The following DAB1 variants were observed in gnomAD, a reference collection of about 807,000 sequenced individuals.
The protein encoded by DAB1 is DAB adaptor protein 1.
DAB1 carries 15 observed loss-of-function variants against 64.6 expected under a neutral mutation model. That is an observed-to-expected ratio of 0.23 (90% CI 0.16 to 0.36). The LOEUF (loss-of-function observed/expected upper bound fraction) is 0.36, where lower values mean the gene tolerates loss of function less well. Ranked by LOEUF, DAB1 falls within the 10% of genes least tolerant of loss-of-function variation. The pLI is 1.00. For synonymous variants in DAB1, 235 were observed against 251.9 expected (o/e 0.93, Z 0.64); for missense variants, 596 against 706.7 (o/e 0.84, Z 1.78).
downstream of DAB1, among the ~76,000 whole-genome samples, chr1:57,822,227 C>T (rs1652153225): frequency 6.6e-6 from 1 of 152,180 alleles, no homozygotes. Context: ...CAGGAAGTAT[C>T]ATGCTGTCCA....
chr1:57,019,144 C>T (rs1344733835), intron 11 of DAB1, among the ~76,000 whole-genome samples: 3 of 152,210 alleles, frequency 2.0e-5, no homozygotes, highest in Non-Finnish European at 1.5e-5. Flanking sequence ...GACTAGAAAC[C>T]ACCTGCTGGC....
chr1:57,731,649 A>G (rs2101774541), intron 6 of DAB1, among the ~76,000 whole-genome samples: 1 of 152,186 alleles, frequency 6.6e-6, no homozygotes. Context: ...TACTAAATAT[A>G]CAAAAATTAG....
At chr1:57,371,009 A>G (rs1680448934) in intron 1 of DAB1, among the ~76,000 whole-genome samples, 1 of 152,232 alleles carries the variant, frequency 6.6e-6, no homozygotes, top group African/African-American at 2.4e-5. Context: ...AAATAGAGCC[A>G]TCGCCCTAAT....
intron 4 of DAB1, among the ~76,000 whole-genome samples, chr1:58,190,162 T>A (rs1406038696): frequency 6.6e-6 from 1 of 152,154 alleles, no homozygotes; most frequent in East Asian, 1.9e-4. Context: ...GACCACTGGA[T>A]CTAGAATCTG....
At chr1:57,387,024 C>G (rs1236056267) in intron 1 of DAB1, 1 of 152,148 alleles carries the variant, frequency 6.6e-6, no homozygotes, top group Non-Finnish European at 1.5e-5. Context: ...GTCAGTCTAA[C>G]CCTGTTTTCT....
In DAB1 at chr1:57,414,407, T is replaced by G. The variant is rs114556857; in HGVS notation, c.-137+9523A>C. ...GAAGGCTCAGCTGATCATTAGCATA[T>G]GTGAGCAATAAAGTATTTTCAATTA... is the stretch of plus-strand genomic sequence containing the variant. On this transcript the variant is annotated intron_variant, in intron 1 of 14. Coordinates refer to ENST00000371236, the MANE Select transcript of DAB1 (RefSeq NM_001365792.1). Among the ~76,000 whole-genome samples, 1,254 of 152,368 alleles carry G rather than the reference T, an allele frequency of 8.2e-3. 11 individuals are homozygous for G. The highest frequency in any genetic ancestry group is 0.028 in the African/African-American group (1,183 of 41,586).
intron 6 of DAB1, among the ~76,000 whole-genome samples, chr1:57,677,423 G>A (rs183222478): frequency 5.3e-4 from 81 of 152,208 alleles, no homozygotes; most frequent in African/African-American, 1.9e-3. Flanking sequence ...CAATGACAAC[G>A]TCCTATAGAC....
At chr1:58,458,793 TGACA>T (rs1423406604) in intron 3 of DAB1, among the ~76,000 whole-genome samples, 1 of 151,666 alleles carries the variant, frequency 6.6e-6, no homozygotes, top group Non-Finnish European at 1.5e-5. Flanking sequence ...CCAGCCTGGG[TGACA>T]GACAAAGATT....
chr1:58,401,602 C>T (rs535969252), intron 3 of DAB1, among the ~76,000 whole-genome samples: 28 of 152,292 alleles, frequency 1.8e-4, no homozygotes, highest in African/African-American at 5.5e-4. Flanking sequence ...TTTGAGAAGG[C>T]GTGGACTTTT....
chr1:58,479,749 T>TA (rs1248170374), intron 3 of DAB1, among the ~76,000 whole-genome samples: 16 of 152,240 alleles, frequency 1.1e-4, no homozygotes, highest in East Asian at 9.6e-4. Context: ...CTGAGAGTTG[T>TA]AAAAAAATGG....
At chr1:58,086,002 C>T (rs990411658) in intron 5 of DAB1, among the ~76,000 whole-genome samples, 50 of 127,454 alleles carry the variant, frequency 3.9e-4, no homozygotes, top group African/African-American at 1.5e-3. Context: ...CTCGCTCTGT[C>T]GCCCAGGCTG....
chr1:57,919,300 T>C (rs931053484), intron 5 of DAB1, among the ~76,000 whole-genome samples: 2 of 152,230 alleles, frequency 1.3e-5, no homozygotes, highest in African/African-American at 2.4e-5. Flanking sequence ...CCTGTATTAA[T>C]AGCTGGGGAT....
chr1:57,253,745 A>G (rs943142409), intron 2 of DAB1, among the ~76,000 whole-genome samples: 9 of 152,228 alleles, frequency 5.9e-5, no homozygotes, highest in Non-Finnish European at 2.9e-5. Flanking sequence ...AAATCTTATT[A>G]CAACCATCCT....
At chr1:57,044,452 A>G (rs1438126971) in intron 9 of DAB1, among the ~76,000 whole-genome samples, 2 of 152,238 alleles carry the variant, frequency 1.3e-5, no homozygotes, top group African/African-American at 4.8e-5. Context: ...ATAACAAAAA[A>G]GACACTTCAT....
intron 4 of DAB1, among the ~76,000 whole-genome samples, chr1:57,084,307 C>T (rs1429541841): frequency 6.6e-6 from 1 of 152,096 alleles, no homozygotes; most frequent in East Asian, 1.9e-4. Flanking sequence ...AGAAGAAATG[C>T]CAAAGGCTGC....
chr1:58,111,746 G>A (rs940648840), intron 5 of DAB1, among the ~76,000 whole-genome samples: 5 of 151,284 alleles, frequency 3.3e-5, no homozygotes, highest in African/African-American at 9.7e-5. Context: ...TTCCTCTGTG[G>A]CTGCCCTAAT....
At chr1:57,212,430 C>T (rs549776975) in intron 2 of DAB1, among the ~76,000 whole-genome samples, 4 of 130,604 alleles carry the variant, frequency 3.1e-5, no homozygotes, top group Non-Finnish European at 4.6e-5. Context: ...TGCAGTGGCG[C>T]GATCTCAGCT....
At chr1:57,754,838 T>G (rs1023945573) in intron 6 of DAB1, among the ~76,000 whole-genome samples, 2 of 152,128 alleles carry the variant, frequency 1.3e-5, no homozygotes, top group African/African-American at 4.8e-5. Context: ...TCCTTTTCTT[T>G]CCCCTGCCCT....
intron 5 of DAB1, among the ~76,000 whole-genome samples, chr1:57,910,943 G>T (rs563059765): frequency 6.6e-6 from 1 of 152,288 alleles, no homozygotes; most frequent in East Asian, 1.9e-4. Flanking sequence ...ACCTACAGGG[G>T]CAGATGTGAG....
Sources: allele counts gnomAD v4.1 joint callset (sites outside exome capture counted in the v4.1 genomes callset), GRCh38; gene constraint gnomAD v4.1.1; transcripts MANE v1.5; gene names NCBI Gene and HGNC (gene_info 2026-07-23, HGNC 2026-07-21).